NTM: variants seen among roughly 807,000 people sequenced by gnomAD.
The protein encoded by NTM is neurotrimin, also known as IgLON family member 2.
NTM carries 13 observed loss-of-function variants against 42.1 expected under a neutral mutation model. That is an observed-to-expected ratio of 0.31 (90% CI 0.20 to 0.49). The LOEUF (loss-of-function observed/expected upper bound fraction) is 0.49. Among genes scored for constraint, NTM ranks in the 20% least tolerant of loss-of-function variants. The pLI is 0.99. For synonymous variants in NTM, 187 were observed against 179.2 expected (o/e 1.04, Z -0.35); for missense variants, 373 against 452.8 (o/e 0.82, Z 1.60).
Position 131,474,275 on chromosome 11 carries a change from T to G in NTM, c.82+103387T>G, listed in dbSNP as rs34647191. Among the ~76,000 whole-genome samples the G allele has an allele frequency of 7.0e-3, 1,060 of 152,296 alleles. 7 individuals carry two copies. The highest frequency in any genetic ancestry group is 0.011 in the Non-Finnish European group (761 of 68,040). ...ACCCACCTCCTCCATCTGGAAACTC[T>G]TCTTCCTCAGCTCCTGTGGCCCATT... On this transcript the variant is annotated intron_variant, in intron 1 of 8. Transcript: ENST00000683400.
chr11:132,169,650 A>G (rs1266309836), intron 3 of NTM, among the ~76,000 whole-genome samples: 1 of 151,936 alleles, frequency 6.6e-6, no homozygotes, highest in Non-Finnish European at 1.5e-5. Context: ...TTACTTCTTG[A>G]ATACTTCTTA....
intron 2 of NTM, among the ~76,000 whole-genome samples, chr11:132,133,353 A>C (rs1323440828): frequency 6.6e-6 from 1 of 152,180 alleles, no homozygotes; most frequent in Non-Finnish European, 1.5e-5. Context: ...TCTCTGCATG[A>C]GTCTGTCTTG....
intron 1 of NTM, among the ~76,000 whole-genome samples, chr11:131,680,443 ATATCTGTGTCTGTGTCTGTGAG>A (rs1565414472): frequency 3.2e-4 from 22 of 68,230 alleles, no homozygotes; most frequent in African/African-American, 7.4e-4. Context: ...GTGTGAGATC[ATATCTGTGTCTGTGTCTGTGAG>A]TGCCTGTGTG....
intron 2 of NTM, among the ~76,000 whole-genome samples, chr11:132,088,246 G>C (rs1290448277): frequency 1.3e-5 from 2 of 152,292 alleles, no homozygotes; most frequent in Non-Finnish European, 2.9e-5. Context: ...GAGTGAGTGG[G>C]GTGGGGGACG....
chr11:131,977,399 A>C (rs1240051670), intron 2 of NTM, among the ~76,000 whole-genome samples: 1 of 152,212 alleles, frequency 6.6e-6, no homozygotes, highest in South Asian at 2.1e-4. Context: ...GCCCATGCCA[A>C]ATAGCTCTGT....
intron 2 of NTM, among the ~76,000 whole-genome samples, chr11:132,014,519 A>C (rs928270106): frequency 3.9e-5 from 6 of 151,952 alleles, no homozygotes; most frequent in African/African-American, 1.5e-4. Flanking sequence ...GCAGTATGTA[A>C]GAGTTGCCTT....
chr11:131,869,370 CCTT>C (rs1403176192), intron 1 of NTM, among the ~76,000 whole-genome samples: 2 of 152,184 alleles, frequency 1.3e-5, no homozygotes, highest in Admixed American at 6.5e-5. Flanking sequence ...TACAACAACT[CCTT>C]CTACCTTTCG....
chr11:131,541,901 C>A (rs945619445), intron 1 of NTM, among the ~76,000 whole-genome samples: 1 of 152,180 alleles, frequency 6.6e-6, no homozygotes, highest in Admixed American at 6.5e-5. Context: ...TATCCTTTAT[C>A]CAGTGTGTCT....
At chr11:131,628,880 C>T (rs940971973) in intron 1 of NTM, among the ~76,000 whole-genome samples, 1 of 152,238 alleles carries the variant, frequency 6.6e-6, no homozygotes, top group Non-Finnish European at 1.5e-5. Flanking sequence ...GGTGATGGGC[C>T]ATGAGCCCAA....
intron 2 of NTM, among the ~76,000 whole-genome samples, chr11:131,927,740 T>C (rs1386913344): frequency 1.3e-5 from 2 of 152,234 alleles, no homozygotes; most frequent in African/African-American, 2.4e-5. Context: ...AAGGATTTCA[T>C]TGACACTGTT....
intron 1 of NTM, among the ~76,000 whole-genome samples, chr11:131,705,047 C>T (rs1483492055): frequency 6.6e-6 from 1 of 152,080 alleles, no homozygotes; most frequent in Non-Finnish European, 1.5e-5. Flanking sequence ...GAGAATGGGG[C>T]AGCAAGGTCA....
chr11:131,827,700 T>C lies in NTM; in HGVS notation c.83-83864T>C, dbSNP rs569456991. 2.6e-5 allele frequency among the ~76,000 whole-genome samples: 4 copies of C among 152,304 alleles called. No individual in the cohort carries two copies. The South Asian group carries it at 8.3e-4, about 32-fold the overall frequency. On this transcript the variant is annotated intron_variant, in intron 1 of 8. Transcript: ENST00000683400. The stretch of plus-strand genomic sequence containing the variant: ...TCAACTAAGAGAGAAAACAAAAGTC[T>C]ATATTTTCACACTGAGTAGTTATCT...
chr11:132,065,573 T>C (rs967223813), intron 2 of NTM, among the ~76,000 whole-genome samples: 1 of 152,184 alleles, frequency 6.6e-6, no homozygotes, highest in African/African-American at 2.4e-5. Context: ...TTTATAATTA[T>C]TCTATGAATT....
chr11:131,580,390 C>G (rs2058298861), intron 1 of NTM, among the ~76,000 whole-genome samples: 2 of 152,132 alleles, frequency 1.3e-5, no homozygotes, highest in Admixed American at 6.5e-5. Context: ...AGGCCACTGA[C>G]AGCGATTTGG....
intron 3 of NTM, among the ~76,000 whole-genome samples, chr11:132,163,682 A>G (rs7131238): frequency 0.065 from 9,920 of 152,292 alleles, 526 homozygotes; most frequent in African/African-American, 0.15. Flanking sequence ...GATCAGGTTA[A>G]CCTGACTCAA....
At chr11:131,558,479 C>T (rs545279670) in intron 1 of NTM, among the ~76,000 whole-genome samples, 2 of 152,220 alleles carry the variant, frequency 1.3e-5, no homozygotes, top group East Asian at 3.9e-4. Flanking sequence ...TTTTATGATT[C>T]CAAAGGGTTC....
At position 131,678,062 on chromosome 11, in the gene NTM, G is replaced by T. The variant is rs965845994; in HGVS notation, c.83-233502G>T. On this transcript the variant is annotated intron_variant, in intron 1 of 8. Coordinates refer to ENST00000683400, the MANE Select transcript of NTM (RefSeq NM_001352005.2). The stretch of plus-strand genomic sequence containing the variant: ...AGCTTTATTTATTTACTGACTTGAT[G>T]AAGTGAAGAGGCTGGAGAACTAAGG... Among the ~76,000 whole-genome samples, 5 of 152,348 alleles carry T rather than the reference G, an allele frequency of 3.3e-5. 1 individual carries two copies. In the Middle Eastern group the frequency reaches 0.01, roughly 311 times the overall value.
chr11:131,503,013 A>T (rs1427572303), intron 1 of NTM: 1 of 152,408 alleles, frequency 6.6e-6, no homozygotes, highest in Non-Finnish European at 1.5e-5. Context: ...GAGGAAACAG[A>T]CAACTTTCTC....
Position 132,314,569 on chromosome 11 carries a change from A to T in NTM, c.800A>T (p.Lys267Ile), listed in dbSNP as rs748191095. The change falls in exon 7 of 9, where the codon AAA (lysine) becomes ATA (isoleucine). Residue 267 changes from lysine to isoleucine, a missense_variant. By Grantham distance (102) the Lys-to-Ile change is moderately radical. Transcript: ENST00000683400. ...TCTCTCAGACTGATTGAAGGAAAGA[A>T]AGGGGTGAAAGTGGAAAACAGACCT... ...KDDKRLIEGK[K>I]GVKVENRPFL... 1 of 1,612,698 alleles carries T rather than the reference A, an allele frequency of 6.2e-7. No individual in the cohort carries two copies.
Sources: gnomAD v4.1 joint callset for allele counts (sites outside exome capture counted in the v4.1 genomes callset) on GRCh38, gnomAD v4.1.1 for gene constraint, MANE v1.5 for transcripts, NCBI Gene and HGNC (gene_info 2026-07-23, HGNC 2026-07-21) for gene names.